KAZN: variants seen among roughly 807,000 people sequenced by gnomAD.
The protein encoded by KAZN is kazrin, periplakin interacting protein, also known as kazrin.
In KAZN, 40 loss-of-function variants were observed where a neutral mutation model predicts 87.4. That is an observed-to-expected ratio of 0.46 (90% CI 0.36 to 0.60). The LOEUF is 0.60. KAZN is among the 20% of genes least tolerant of loss of function. The pLI is 0.00. For synonymous variants in KAZN, 466 were observed against 458.3 expected, an observed-to-expected ratio of 1.02 and a Z score of -0.22; for missense variants, 898 against 1,073.9, an observed-to-expected ratio of 0.84 and a Z score of 2.29.
intron 1 of KAZN, among the ~76,000 whole-genome samples, chr1:14,669,123 T>G: frequency 6.6e-6 from 1 of 152,198 alleles, no homozygotes; most frequent in Admixed American, 6.5e-5. Flanking sequence ...GGACCTTTAT[T>G]CAAGGCTAGG....
At chr1:14,737,226 G>T (rs2100406842) in intron 1 of KAZN, among the ~76,000 whole-genome samples, 1 of 152,262 alleles carries the variant, frequency 6.6e-6, no homozygotes, top group East Asian at 1.9e-4. Context: ...GCCTCAGGGT[G>T]CTCCAACATG....
chr1:14,570,887 T>A (rs1469721368), intron 2 of KAZN, among the ~76,000 whole-genome samples: 1 of 152,322 alleles, frequency 6.6e-6, no homozygotes, highest in Middle Eastern at 3.4e-3. Context: ...TACCTCTGTT[T>A]CAAACGACTG....
chr1:14,935,674 C>T (rs1319344908), intron 1 of KAZN, among the ~76,000 whole-genome samples: 26 of 152,136 alleles, frequency 1.7e-4, no homozygotes, highest in Admixed American at 1.7e-3. Flanking sequence ...TCCTCTCTCC[C>T]TCCCTCTCCC....
At chr1:14,970,206 C>A (rs532531637) in intron 2 of KAZN, among the ~76,000 whole-genome samples, 1 of 152,280 alleles carries the variant, frequency 6.6e-6, no homozygotes, top group Admixed American at 6.5e-5. Context: ...TAGTACGGAG[C>A]GTTGCTGTAT....
At chr1:14,652,892 AG>A (rs1262733836) in intron 1 of KAZN, among the ~76,000 whole-genome samples, 12 of 94,156 alleles carry the variant, frequency 1.3e-4, no homozygotes, top group Non-Finnish European at 2.1e-4. Context: ...CACAGCTGGG[AG>A]AGAGGGGGGT....
At chr1:15,019,267 T>G (rs1019244239) in intron 2 of KAZN, among the ~76,000 whole-genome samples, 3 of 152,310 alleles carry the variant, frequency 2.0e-5, no homozygotes, top group South Asian at 4.1e-4. Context: ...CACCAGGGAC[T>G]GCCTACCTGG....
At chr1:14,327,240 A>G (rs1347192563) in intron 2 of KAZN, among the ~76,000 whole-genome samples, 1 of 152,150 alleles carries the variant, frequency 6.6e-6, no homozygotes, top group Non-Finnish European at 1.5e-5. Context: ...TGTCACCGTC[A>G]CTGACTTGTA....
At chr1:14,804,514 G>A (rs1462461484) in intron 1 of KAZN, among the ~76,000 whole-genome samples, 1 of 152,094 alleles carries the variant, frequency 6.6e-6, no homozygotes, top group African/African-American at 2.4e-5. Context: ...GAGTACAGGG[G>A]AGATCTCCCA....
chr1:14,921,543 C>T (rs1158508015), intron 1 of KAZN, among the ~76,000 whole-genome samples: 1 of 152,184 alleles, frequency 6.6e-6, no homozygotes, highest in Non-Finnish European at 1.5e-5. Context: ...AACACTAAGA[C>T]TACATTCCTG....
At chr1:14,744,831 C>G (rs535650818) in intron 1 of KAZN, among the ~76,000 whole-genome samples, 296 of 152,206 alleles carry the variant, frequency 1.9e-3, no homozygotes, top group Middle Eastern at 3.4e-3. Flanking sequence ...CAAACTCAAG[C>G]AAGCAGCACT....
rs1292441066 is a variant in KAZN, at chr1:13,894,687, C to T, written c.91+931C>T. 3.9e-5 allele frequency among the ~76,000 whole-genome samples: 6 copies of T among 152,192 alleles called. No individual in the cohort carries two copies. In the East Asian group the frequency reaches 1.2e-3, roughly 29 times the overall value. On this transcript the variant is annotated intron_variant, in intron 1 of 16. Transcript: ENST00000636203. ...CTGGGGGCCTGAGTCAGTGTTGATG[C>T]TTTCATTGGGTAGTTGCATGACCTT...
chr1:14,047,511 A>G (rs111309192), intron 1 of KAZN, among the ~76,000 whole-genome samples: 7,517 of 152,188 alleles, frequency 0.049, 501 homozygotes, highest in African/African-American at 0.15. Context: ...CCCTTCTTCT[A>G]CCTTAATGGC....
At chr1:14,760,031 G>T (rs1197189624) in intron 1 of KAZN, among the ~76,000 whole-genome samples, 1 of 151,962 alleles carries the variant, frequency 6.6e-6, no homozygotes, top group Admixed American at 6.5e-5. Flanking sequence ...TGAAAGCAGC[G>T]CTCCCTTGCC....
chr1:15,010,386 CTTTTTTT>C (rs34697316), intron 2 of KAZN, among the ~76,000 whole-genome samples: 17 of 78,220 alleles, frequency 2.2e-4, no homozygotes, highest in African/African-American at 8.3e-4. Context: ...GGTTGTCTTG[CTTTTTTT>C]TTTTTTTTTT....
chr1:14,266,588 A>T (rs1007116741), intron 2 of KAZN, among the ~76,000 whole-genome samples: 3 of 152,236 alleles, frequency 2.0e-5, no homozygotes, highest in Non-Finnish European at 4.4e-5. Context: ...TAATAAAAAC[A>T]CACAAGATAA....
rs549026395 is a variant in KAZN, at chr1:14,528,654, C to G, written c.250-70329C>G. 4.7e-5 allele frequency among the ~76,000 whole-genome samples: 7 copies of G among 148,264 alleles called. No homozygotes were observed. In the South Asian group the frequency reaches 1.5e-3, roughly 32 times the overall value. ...GTCCCAGCTATTTGGGAGGTTGAAA[C>G]GGGAAGATCGCCTGAGCCCAGGAGG... On this transcript the variant is annotated intron_variant, in intron 2 of 16. Transcript: ENST00000636203.
exon 1 of KAZN, chr1:13,893,402 TC>T (rs1430958374): frequency 7.8e-6 from 3 of 383,532 alleles, no homozygotes; most frequent in Non-Finnish European, 1.4e-5. Context: ...CTTAGATTTT[TC>T]TTTTGCATGG....
chr1:14,980,866 C>T (rs1255798781), intron 2 of KAZN, among the ~76,000 whole-genome samples: 1 of 151,766 alleles, frequency 6.6e-6, no homozygotes, highest in Non-Finnish European at 1.5e-5. Flanking sequence ...ATGAGGGAGG[C>T]AGGAGGGGGA....
chr1:14,480,594 ATATT>A (rs1171457950), intron 2 of KAZN, among the ~76,000 whole-genome samples: 1 of 146,116 alleles, frequency 6.8e-6, no homozygotes, highest in Non-Finnish European at 1.5e-5. Flanking sequence ...TTCATATTAT[ATATT>A]ATATTTTATA....
Sources: allele counts gnomAD v4.1 joint callset (sites outside exome capture counted in the v4.1 genomes callset), GRCh38; gene constraint gnomAD v4.1.1; transcripts MANE v1.5; gene names NCBI Gene and HGNC (gene_info 2026-07-23, HGNC 2026-07-21).